Variants in ZFHX3 observed in about 807,000 individuals in gnomAD.
ZFHX3 encodes the protein zinc finger homeobox 3.
In ZFHX3, 42 loss-of-function variants were observed where a neutral mutation model predicts 279.1. The observed-to-expected ratio is 0.15, with a 90% CI of 0.12 to 0.19. The LOEUF (loss-of-function observed/expected upper bound fraction) is 0.19. Ranked by LOEUF, ZFHX3 falls within the 10% of genes least tolerant of loss-of-function variation. The probability of loss-of-function intolerance (pLI) is 1.00; values close to 1 mark genes in which losing one functional copy is unlikely to be tolerated. For synonymous variants in ZFHX3, 2,293 were observed against 1,957.8 expected (o/e 1.17, Z -4.52); for missense variants, 4,981 against 4,754.0 (o/e 1.05, Z -1.40).
chr16:73,747,090 G>GCTCATATAT (rs1195069800), intron 1 of ZFHX3, among the ~76,000 whole-genome samples: 29 of 152,328 alleles, frequency 1.9e-4, no homozygotes, highest in Non-Finnish European at 2.9e-4. Flanking sequence ...AGTAGAAGCA[G>GCTCATATAT]CTCATATATC....
intron 3 of ZFHX3, among the ~76,000 whole-genome samples, chr16:73,446,500 T>C (rs1312700900): frequency 1.6e-4 from 25 of 152,144 alleles, no homozygotes; most frequent in South Asian, 2.1e-4. Context: ...TCCCCAGTGA[T>C]CTAATCATCT....
At chr16:73,431,136 G>GA (rs2017903409) in intron 3 of ZFHX3, among the ~76,000 whole-genome samples, 1 of 152,160 alleles carries the variant, frequency 6.6e-6, no homozygotes, top group Non-Finnish European at 1.5e-5. Flanking sequence ...GGCATTGACA[G>GA]AAAATTCACC....
intron 7 of ZFHX3, among the ~76,000 whole-genome samples, chr16:73,124,111 CA>C (rs1211161300): frequency 6.6e-6 from 1 of 152,194 alleles, no homozygotes; most frequent in African/African-American, 2.4e-5. Context: ...AACCACTTTA[CA>C]ACCTTGTATA....
intron 3 of ZFHX3, among the ~76,000 whole-genome samples, chr16:73,404,979 ACC>A (rs2017330533): frequency 6.6e-6 from 1 of 152,122 alleles, no homozygotes; most frequent in Non-Finnish European, 1.5e-5. Flanking sequence ...TCATCCTTAG[ACC>A]ATTTGCAACG....
chr16:72,832,686 C>CA (rs2037091176), intron 4 of ZFHX3, among the ~76,000 whole-genome samples: 1 of 151,970 alleles, frequency 6.6e-6, no homozygotes, highest in African/African-American at 2.4e-5. Flanking sequence ...AAGCAGGTCC[C>CA]ATTCAGCCCA....
intron 4 of ZFHX3, among the ~76,000 whole-genome samples, chr16:72,876,261 C>A (rs1011197734): frequency 6.6e-6 from 1 of 152,172 alleles, no homozygotes; most frequent in African/African-American, 2.4e-5. Flanking sequence ...TCTGTAAATT[C>A]AGACTTCTTC....
chr16:73,093,472 G>T (rs762187057), exon 8 of ZFHX3: 2 of 499,882 alleles, frequency 4.0e-6, no homozygotes, highest in Admixed American at 2.1e-5. Context: ...AGGGCTCTCA[G>T]AGCTTCCAGG....
At chr16:73,082,842 C>T (rs1309484313) in intron 8 of ZFHX3, among the ~76,000 whole-genome samples, 2 of 152,088 alleles carry the variant, frequency 1.3e-5, no homozygotes, top group African/African-American at 4.8e-5. Flanking sequence ...TTACTGGAAT[C>T]TGTAGTAATG....
intron 1 of ZFHX3, among the ~76,000 whole-genome samples, chr16:73,709,085 C>T (rs2053332548): frequency 6.6e-6 from 1 of 152,156 alleles, no homozygotes; most frequent in Admixed American, 6.5e-5. Flanking sequence ...GGTTAATACA[C>T]ACTCCCATGT....
chr16:73,215,818 G>T (rs1413360739), intron 5 of ZFHX3, among the ~76,000 whole-genome samples: 2 of 152,140 alleles, frequency 1.3e-5, no homozygotes, highest in Non-Finnish European at 2.9e-5. Flanking sequence ...TTGGTCTGTT[G>T]CTCAATCACA....
chr16:73,772,227 G>A (rs2054026026), intron 1 of ZFHX3, among the ~76,000 whole-genome samples: 1 of 152,174 alleles, frequency 6.6e-6, no homozygotes, highest in Non-Finnish European at 1.5e-5. Context: ...ACCTGAGACT[G>A]GGCAATTTAC....
intron 4 of ZFHX3, among the ~76,000 whole-genome samples, chr16:72,855,962 C>T (rs755475273): frequency 3.9e-5 from 6 of 152,178 alleles, no homozygotes; most frequent in Non-Finnish European, 7.3e-5. Context: ...AAAGAAAGGC[C>T]GTGTATGAGA....
At chr16:73,412,550 C>A (rs537515461) in intron 3 of ZFHX3, among the ~76,000 whole-genome samples, 1 of 152,084 alleles carries the variant, frequency 6.6e-6, no homozygotes, top group East Asian at 2.0e-4. Flanking sequence ...TCCACCTTAT[C>A]CTCTTCCATC....
At chr16:73,445,142 A>T (rs553196494) in intron 3 of ZFHX3, among the ~76,000 whole-genome samples, 17 of 151,862 alleles carry the variant, frequency 1.1e-4, no homozygotes, top group Admixed American at 4.6e-4. Flanking sequence ...GAAAAATTTT[A>T]AAAAAAATCT....
At chr16:73,688,517 A>G (rs2053115000) in intron 1 of ZFHX3, among the ~76,000 whole-genome samples, 1 of 152,116 alleles carries the variant, frequency 6.6e-6, no homozygotes, top group African/African-American at 2.4e-5. Flanking sequence ...CCATCCCACC[A>G]TGTAAGGACA....
intron 1 of ZFHX3, among the ~76,000 whole-genome samples, chr16:73,057,395 C>T (rs1307072086): frequency 6.6e-6 from 1 of 152,150 alleles, no homozygotes; most frequent in Non-Finnish European, 1.5e-5. Context: ...ACACTTAGAT[C>T]TACTCTCCAA....
At chr16:73,440,634 A>G (rs528701972) in intron 3 of ZFHX3, among the ~76,000 whole-genome samples, 24 of 152,296 alleles carry the variant, frequency 1.6e-4, no homozygotes, top group African/African-American at 5.8e-4. Flanking sequence ...TACCTTAGTA[A>G]TGGTTCCAAC....
At position 72,861,725 on chromosome 16, in the gene ZFHX3, A is replaced by G. The variant is rs149170384; in HGVS notation, c.3448+28006T>C. Among the ~76,000 whole-genome samples the G allele has an allele frequency of 5.9e-4, 90 of 152,284 alleles. 1 individual carries two copies. In the Middle Eastern group the frequency reaches 0.01, roughly 17 times the overall value. ...TTTTGTAAAATTTGCACAAGAATAG[A>G]TAGAACCCGCTGGGCATGGTGGCTC... On this transcript the variant is annotated intron_variant, in intron 4 of 9. Transcript: ENST00000268489.
intron 4 of ZFHX3, among the ~76,000 whole-genome samples, chr16:72,877,788 T>C (rs2038354480): frequency 6.6e-6 from 1 of 152,190 alleles, no homozygotes; most frequent in Non-Finnish European, 1.5e-5. Context: ...AGGCCCCTCC[T>C]CCTTGCAGTC....
Sources: gnomAD v4.1 joint callset for allele counts (sites outside exome capture counted in the v4.1 genomes callset) on GRCh38, gnomAD v4.1.1 for gene constraint, MANE v1.5 for transcripts, NCBI Gene and HGNC (gene_info 2026-07-23, HGNC 2026-07-21) for gene names.